EMILIN2: variants seen among roughly 807,000 people sequenced by gnomAD.
EMILIN2 encodes elastin microfibril interfacer 2.
Under a neutral mutation model 87.1 loss-of-function variants are expected in EMILIN2, and 71 were observed. That is an observed-to-expected ratio of 0.82 (90% confidence interval 0.67 to 0.99). EMILIN2 has a LOEUF of 0.99. Among genes scored for constraint, EMILIN2 ranks in the 50% least tolerant of loss-of-function variants. EMILIN2 has a pLI of 0.00. For synonymous variants in EMILIN2, 581 were observed against 563.4 expected (o/e 1.03, Z -0.44); for missense variants, 1,407 against 1,371.8 (o/e 1.03, Z -0.40).
chr18:2,886,593 C>T (rs530583395), intron 3 of EMILIN2, among the ~76,000 whole-genome samples: 1 of 152,282 alleles, frequency 6.6e-6, no homozygotes, highest in South Asian at 2.1e-4. Flanking sequence ...CTCCTATCCC[C>T]CCATCCCTTC....
intron 2 of EMILIN2, among the ~76,000 whole-genome samples, chr18:2,868,672 T>C (rs1344881296): frequency 2.6e-5 from 4 of 152,094 alleles, no homozygotes; most frequent in Admixed American, 2.0e-4. Flanking sequence ...GGCGCGCGCC[T>C]GCAATCGCAG....
chr18:2,900,434 C>T (rs2076883451), intron 4 of EMILIN2, among the ~76,000 whole-genome samples: 1 of 152,234 alleles, frequency 6.6e-6, no homozygotes, highest in Non-Finnish European at 1.5e-5. Flanking sequence ...GCAATCCTCC[C>T]ACTGCAGCCT....
rs557985867 is a variant in EMILIN2 at position 2,894,791 on chromosome 18, C to T, written c.2359+2305C>T. ...GCCTCCTCTGCCCTTGTCTAGCATC[C>T]AGGTCTAGGAGACCTGGAACCTGAG... On this transcript the variant is annotated intron_variant, in intron 4 of 7. Transcript: ENST00000254528. This position sits in a 1 kb window ranked among gnomAD's most constrained non-coding sequence, Gnocchi z 5.0. Among the ~76,000 whole-genome samples, 25 of 152,256 alleles carry T rather than the reference C, an allele frequency of 1.6e-4. No individual in the cohort carries two copies. The highest frequency in any genetic ancestry group is 3.2e-4 in the Non-Finnish European group (22 of 68,016).
At chr18:2,911,608 T>C (rs887980607) in intron 7 of EMILIN2, among the ~76,000 whole-genome samples, 3 of 152,150 alleles carry the variant, frequency 2.0e-5, no homozygotes, top group Non-Finnish European at 2.9e-5. Context: ...CATTCCTAGT[T>C]GGGGTAGGGG....
At position 2,891,606 on chromosome 18, in the gene EMILIN2, A is replaced by G; in HGVS notation, c.1479A>G (p.Lys493=). The change falls in exon 4 of 8, where the codon AAA becomes AAG. Residue 493 remains lysine, a synonymous_variant. Coordinates refer to ENST00000254528, the MANE Select transcript of EMILIN2 (RefSeq NM_032048.3). This position sits in a 1 kb window ranked among gnomAD's most constrained non-coding sequence, Gnocchi z 4.6. ...ACTTGAAGCAGCTTGTTGATCAGAA[A>G]ATACAGTCTCTGGAAGACCGTCTGG... The part of the protein sequence containing the change: ...VGDLKQLVDQ[K]IQSLEDRLGS... 6.2e-7 allele frequency: 1 copy of G among 1,614,004 alleles called. No individual in the cohort carries two copies. The highest frequency in any genetic ancestry group is 1.1e-5 in the South Asian group (1 of 91,074).
At chr18:2,902,277 A>C (rs1568482624) in intron 4 of EMILIN2, among the ~76,000 whole-genome samples, 1 of 152,186 alleles carries the variant, frequency 6.6e-6, no homozygotes, top group South Asian at 2.1e-4. Flanking sequence ...CCCAATACTT[A>C]AATTGTTCAA....
At chr18:2,909,611 G>T (rs540073434) in intron 6 of EMILIN2, 80 bp from the exon 7 acceptor site, 3 of 1,551,928 alleles carry the variant, frequency 1.9e-6, no homozygotes, top group Middle Eastern at 1.7e-4. Flanking sequence ...GGCCTGGCAC[G>T]TAGGCCTCAG....
intron 3 of EMILIN2, among the ~76,000 whole-genome samples, chr18:2,887,636 G>C (rs2076809632): frequency 6.6e-6 from 1 of 152,092 alleles, no homozygotes; most frequent in Non-Finnish European, 1.5e-5. Flanking sequence ...CTGAGGTCCT[G>C]ACCAGAAGCA....
Position 2,913,910 on chromosome 18 carries a change from C to T in EMILIN2, c.*506C>T, listed in dbSNP as rs1568490068. On this transcript the variant is annotated 3_prime_UTR_variant, in exon 8 of 8. Transcript: ENST00000254528. ...AGTTTGGGCTGTTCCACGCTTGGCT[C>T]ACCATTGCCGCCTGGGACTTAACCT... 6.4e-6 allele frequency: 1 copy of T among 156,098 alleles called. No individual in the cohort carries two copies. Among genetic ancestry groups the T allele is most frequent in the African/African-American group, 2.4e-5 (1 of 41,492 alleles). The allele number at this position is 156,098 out of a possible 1,614,324, so 9.7% of individuals were successfully genotyped here. A position where few individuals can be genotyped will look rare whatever the true frequency, so the allele number is the denominator to read the frequency against.
At chr18:2,875,979 ATTTTTT>A (rs67505946) in intron 2 of EMILIN2, among the ~76,000 whole-genome samples, 3 of 126,826 alleles carry the variant, frequency 2.4e-5, no homozygotes, top group Admixed American at 8.3e-5. Context: ...AGGATTTTAG[ATTTTTT>A]TTTTTTTTTT....
intron 2 of EMILIN2, among the ~76,000 whole-genome samples, chr18:2,869,280 T>TA (rs10532190): frequency 2.3e-3 from 341 of 149,276 alleles, no homozygotes; most frequent in Middle Eastern, 6.9e-3. Context: ...ATTACATAGT[T>TA]AAAAAAAAAA....
intron 2 of EMILIN2, among the ~76,000 whole-genome samples, chr18:2,853,859 C>G (rs968595205): frequency 1.3e-5 from 2 of 152,238 alleles, no homozygotes; most frequent in Non-Finnish European, 2.9e-5. Context: ...ACATTTCTTA[C>G]AGCCTCCAAT....
In EMILIN2 at chr18:2,880,205, C is replaced by T. The variant is rs2076769874; in HGVS notation, c.258-4759C>T. 6.6e-6 allele frequency among the ~76,000 whole-genome samples: 1 copy of T among 152,024 alleles called. No individual in the cohort carries two copies. Among genetic ancestry groups the T allele is most frequent in the African/African-American group, 2.4e-5 (1 of 41,388 alleles). Reference sequence around the variant, plus strand: ...GTGGGGGTGACATCAAGTGGAGGTACTGTCATTTTGTTTTAACAGGGACAC... The same window carrying T: ...GTGGGGGTGACATCAAGTGGAGGTATTGTCATTTTGTTTTAACAGGGACAC... On this transcript the variant is annotated intron_variant, in intron 2 of 7. Transcript: ENST00000254528. The surrounding 1 kb of genome is among the most constrained non-coding windows in gnomAD (Gnocchi z 4.1).
chr18:2,871,895 G>A (rs1014215523), intron 2 of EMILIN2, among the ~76,000 whole-genome samples: 2 of 152,122 alleles, frequency 1.3e-5, no homozygotes, highest in Non-Finnish European at 2.9e-5. Context: ...TTTCATTTCT[G>A]TAAAGCTTTA....
In EMILIN2 at chr18:2,884,252, A is replaced by G. The variant is rs184184552; in HGVS notation, c.258-712A>G. Among the ~76,000 whole-genome samples the G allele has an allele frequency of 4.5e-3, 667 of 147,388 alleles. 3 individuals are homozygous for G. The highest frequency in any genetic ancestry group is 0.019 in the Middle Eastern group (4 of 214). On this transcript the variant is annotated intron_variant, in intron 2 of 7. Transcript: ENST00000254528. The stretch of plus-strand genomic sequence containing the variant: ...ATTACAGGCGTGAGCCACCGCGCCC[A>G]GCCTCTTTTTCTTTTTTTTGAGACA...
intron 5 of EMILIN2, 103 bp downstream of exon 5, chr18:2,907,188 C>T (rs529190409): frequency 1.8e-5 from 21 of 1,159,146 alleles, no homozygotes; most frequent in African/African-American, 3.2e-5. Context: ...GTCCAGCCTT[C>T]GGGGGGGCAA....
chr18:2,873,513 C>T (rs374892289), intron 2 of EMILIN2, among the ~76,000 whole-genome samples: 2,461 of 151,376 alleles, frequency 0.016, 69 homozygotes, highest in African/African-American at 0.057. Flanking sequence ...CGAGACCATC[C>T]TGGCTAACAC....
chr18:2,846,717 G>A (rs1016850813), upstream of EMILIN2: 6 of 981,944 alleles, frequency 6.1e-6, no homozygotes, highest in African/African-American at 8.7e-5. This position sits in a 1 kb window ranked among gnomAD's most constrained non-coding sequence, Gnocchi z 5.3. Flanking sequence ...GCCGCGTCCC[G>A]GGGGGCCGGG....
At chr18:2,899,082 A>AC (rs2076876414) in intron 4 of EMILIN2, among the ~76,000 whole-genome samples, 1 of 2,154 alleles carries the variant, frequency 4.6e-4, no homozygotes, top group Non-Finnish European at 8.3e-3. Context: ...TGGGATCTTT[A>AC]AAAAAAACAA....
Sources: allele counts gnomAD v4.1 joint callset (sites outside exome capture counted in the v4.1 genomes callset), GRCh38; gene constraint gnomAD v4.1.1; non-coding constraint Gnocchi (gnomAD v3.1); transcripts MANE v1.5; gene names NCBI Gene and HGNC (gene_info 2026-07-23, HGNC 2026-07-21).